The following SLC8A3 variants were observed in gnomAD, a reference collection of about 807,000 sequenced individuals.
SLC8A3 encodes the protein sodium/calcium exchanger 3.
SLC8A3 carries 37 observed loss-of-function variants against 65.4 expected under a neutral mutation model. The observed-to-expected ratio is 0.57, with a 90% CI of 0.44 to 0.74. The LOEUF (loss-of-function observed/expected upper bound fraction) is 0.74. SLC8A3 is among the 30% of genes least tolerant of loss of function. The pLI, the probability that SLC8A3 is intolerant of heterozygous loss-of-function variation, is 0.00. For missense variants in SLC8A3, 1,112 were observed against 1,172.1 expected, an observed-to-expected ratio of 0.95 and a Z score of 0.75; for synonymous variants, 461 against 444.5, an observed-to-expected ratio of 1.04 and a Z score of -0.47.
At chr14:70,172,443 C>T (rs1020212323) in intron 1 of SLC8A3, among the ~76,000 whole-genome samples, 1 of 152,150 alleles carries the variant, frequency 6.6e-6, no homozygotes, top group Non-Finnish European at 1.5e-5. Context: ...TGTAGAATGT[C>T]CACGGCCTCC....
intron 6 of SLC8A3, chr14:70,047,412 C>T (rs1413984716): frequency 6.6e-6 from 1 of 152,108 alleles, no homozygotes; most frequent in Non-Finnish European, 1.5e-5. Context: ...ATATTTCCTC[C>T]CTCCCCTCTG....
At chr14:70,155,186 G>T (rs1451791449) in intron 2 of SLC8A3, among the ~76,000 whole-genome samples, 1 of 152,092 alleles carries the variant, frequency 6.6e-6, no homozygotes, top group Non-Finnish European at 1.5e-5. Flanking sequence ...CTCCCAAAAT[G>T]CTGGGAATAT....
At chr14:70,142,041 T>A (rs896827041) in intron 2 of SLC8A3, among the ~76,000 whole-genome samples, 1 of 152,172 alleles carries the variant, frequency 6.6e-6, no homozygotes, top group African/African-American at 2.4e-5. Context: ...GGCCAATGGG[T>A]TCCACGGAGC....
chr14:70,141,784 A>G (rs961022259), intron 2 of SLC8A3, among the ~76,000 whole-genome samples: 14 of 152,240 alleles, frequency 9.2e-5, no homozygotes, highest in Admixed American at 2.6e-4. Context: ...GCTAAATGCT[A>G]TCATTTTAGG....
chr14:70,132,276 A>T (rs539361656), intron 2 of SLC8A3, among the ~76,000 whole-genome samples: 2 of 152,362 alleles, frequency 1.3e-5, no homozygotes, highest in South Asian at 4.1e-4. Context: ...AAGGTCAGAA[A>T]ATGCTGCAGC....
At chr14:70,121,771 G>A (rs1894073153) in intron 2 of SLC8A3, among the ~76,000 whole-genome samples, 1 of 152,182 alleles carries the variant, frequency 6.6e-6, no homozygotes, top group African/African-American at 2.4e-5. Context: ...TGGGAGCCCA[G>A]CTGGGGAGAG....
intron 1 of SLC8A3, among the ~76,000 whole-genome samples, chr14:70,183,121 G>C (rs1316849642): frequency 1.3e-5 from 2 of 152,118 alleles, no homozygotes; most frequent in Non-Finnish European, 2.9e-5. Context: ...CACAGCTTTT[G>C]GTCCTACTTC....
intron 2 of SLC8A3, among the ~76,000 whole-genome samples, chr14:70,069,219 T>G (rs1463987158): frequency 6.6e-6 from 1 of 152,196 alleles, no homozygotes; most frequent in Non-Finnish European, 1.5e-5. Context: ...AGGCACAGAA[T>G]TTCCACACTG....
At chr14:70,122,563 C>T (rs2140187927) in intron 2 of SLC8A3, among the ~76,000 whole-genome samples, 2 of 152,218 alleles carry the variant, frequency 1.3e-5, no homozygotes, top group South Asian at 4.1e-4. Flanking sequence ...ATAAACCCTA[C>T]CTCCTAGGAT....
intron 2 of SLC8A3, among the ~76,000 whole-genome samples, chr14:70,161,727 C>T (rs2140346824): frequency 6.6e-6 from 1 of 152,324 alleles, no homozygotes; most frequent in Non-Finnish European, 1.5e-5. Context: ...AAGAGACTAT[C>T]TTAAAACCTT....
chr14:70,097,377 A>G (rs894311502), intron 2 of SLC8A3, among the ~76,000 whole-genome samples: 1 of 152,166 alleles, frequency 6.6e-6, no homozygotes, highest in Admixed American at 6.5e-5. Flanking sequence ...CAAAGTTACT[A>G]TAAATGGTTC....
At chr14:70,069,415 T>C (rs1889793782) in intron 2 of SLC8A3, among the ~76,000 whole-genome samples, 2 of 152,210 alleles carry the variant, frequency 1.3e-5, no homozygotes, top group South Asian at 4.1e-4. Flanking sequence ...TCAAGAAGCG[T>C]TCCCTTTCAT....
intron 2 of SLC8A3, among the ~76,000 whole-genome samples, chr14:70,137,982 G>A (rs760970027): frequency 6.6e-5 from 10 of 152,030 alleles, no homozygotes; most frequent in South Asian, 2.1e-4. Context: ...CCATCACTCC[G>A]CTCAATCTCC....
rs1887144143 is a variant in SLC8A3 at position 70,049,039 on chromosome 14, C to T, written c.2117G>A (p.Gly706Glu). ...FMEAITVSAA[G>E]DEDEDESGEE... ...CCCGGATTCATCCTCATCCTCATCC[C>T]CTGCTGAAGGCAAGATAAACAGGCA... The change falls in exon 6 of 7, where the codon GGG becomes GAG. Residue 706 changes from glycine (G) to glutamate (E), a missense_variant. Coordinates refer to ENST00000356921, the MANE Select transcript of SLC8A3 (RefSeq NM_182932.3). 1.2e-6 allele frequency: 2 copies of T among 1,602,892 alleles called. No homozygotes were observed. Among genetic ancestry groups the T allele is most frequent in the Non-Finnish European group, 1.7e-6 (2 of 1,173,010 alleles).
intron 2 of SLC8A3, among the ~76,000 whole-genome samples, chr14:70,076,529 C>CTTAA (rs2139962536): frequency 6.6e-6 from 1 of 152,322 alleles, no homozygotes; most frequent in East Asian, 1.9e-4. Context: ...CAGAGACAAT[C>CTTAA]TTAATGCTTA....
intron 2 of SLC8A3, among the ~76,000 whole-genome samples, chr14:70,118,574 A>G (rs1382674924): frequency 2.0e-5 from 3 of 152,254 alleles, no homozygotes; most frequent in Non-Finnish European, 4.4e-5. Flanking sequence ...TTCCCAAGAA[A>G]GAATGCCTTT....
intron 2 of SLC8A3, among the ~76,000 whole-genome samples, chr14:70,150,745 A>G (rs1397513065): frequency 6.6e-6 from 1 of 152,232 alleles, no homozygotes; most frequent in African/African-American, 2.4e-5. Flanking sequence ...CCTGTAGCTC[A>G]GGACAAGCTT....
chr14:70,153,222 CTCAT>C (rs1383133127), intron 2 of SLC8A3, among the ~76,000 whole-genome samples: 6 of 152,150 alleles, frequency 3.9e-5, no homozygotes, highest in African/African-American at 9.6e-5. Flanking sequence ...CAGGAATTCA[CTCAT>C]TCATTCATTC....
chr14:70,164,566 G>A (rs1237021880), intron 2 of SLC8A3, among the ~76,000 whole-genome samples: 2 of 152,108 alleles, frequency 1.3e-5, no homozygotes, highest in Admixed American at 6.6e-5. Flanking sequence ...AACTGAAAAC[G>A]CAAATAAGTT....
Sources: gnomAD v4.1 joint callset for allele counts (sites outside exome capture counted in the v4.1 genomes callset) on GRCh38, gnomAD v4.1.1 for gene constraint, MANE v1.5 for transcripts, NCBI Gene and HGNC (gene_info 2026-07-23, HGNC 2026-07-21) for gene names.